The following COL13A1 variants were observed in gnomAD, a reference collection of about 807,000 sequenced individuals.
COL13A1 encodes the protein collagen alpha-1(XIII) chain.
COL13A1 carries 89 observed loss-of-function variants against 130.9 expected under a neutral mutation model. That is an observed-to-expected ratio of 0.68 (90% confidence interval 0.57 to 0.81). The LOEUF is 0.81. Among genes scored for constraint, COL13A1 ranks in the 30% least tolerant of loss-of-function variants. COL13A1 has a pLI of 0.00. For synonymous variants in COL13A1, 402 were observed against 341.6 expected (o/e 1.18, Z -1.95); for missense variants, 879 against 934.6 (o/e 0.94, Z 0.78).
At chr10:69,947,169 TTTCCGTGTAGTGGGAATAACTAAACC>T in intron 37 of COL13A1, 112 bp from the exon 38 acceptor site, 2 of 757,124 alleles carry the variant, frequency 2.6e-6, no homozygotes, top group South Asian at 3.2e-5. Context: ...CTCTGTCCCC[TTTCCGTGTAGTGGGAATAACTAAACC>T]TGTCTCCAGT....
intron 17 of COL13A1, among the ~76,000 whole-genome samples, chr10:69,914,407 C>A (rs2063704645): frequency 6.6e-6 from 1 of 152,166 alleles, no homozygotes; most frequent in Non-Finnish European, 1.5e-5. Flanking sequence ...TGGGAAGAGA[C>A]AGGAGCACCA....
intron 30 of COL13A1, chr10:69,931,399 G>A: frequency 2.9e-6 from 1 of 341,286 alleles, no homozygotes; most frequent in South Asian, 2.2e-5. Flanking sequence ...CTGGGAGCAG[G>A]CAGGGAGGGT....
At chr10:69,953,415 G>A (rs10823450) in intron 39 of COL13A1, among the ~76,000 whole-genome samples, 23,619 of 152,090 alleles carry the variant, frequency 0.16, 2,048 homozygotes, top group Middle Eastern at 0.26. Flanking sequence ...CAGAGTTAGC[G>A]TCTCCTCAGG....
chr10:69,880,383 G>T (rs1019510456), intron 6 of COL13A1, 120 bp from the exon 7 acceptor site: 3 of 722,226 alleles, frequency 4.2e-6, no homozygotes, highest in Admixed American at 4.0e-5. Flanking sequence ...TGTCCCATGG[G>T]GCCGGCCTCC....
chr10:69,904,408 A>G (rs1589419455), intron 15 of COL13A1, among the ~76,000 whole-genome samples: 1 of 151,858 alleles, frequency 6.6e-6, no homozygotes, highest in Admixed American at 6.6e-5. Context: ...CCACACCTAC[A>G]CCCAAGGCTG....
In COL13A1 at chr10:69,958,819, G is replaced by A. The variant is rs1290641837; in HGVS notation, c.*118G>A. ...ATGCATCTTACAGATTATTAAAAAA[G>A]AAAGAAAAACCTGCATATTTTGTAC... On this transcript the variant is annotated 3_prime_UTR_variant, in exon 41 of 41. Transcript: ENST00000645393. 7.1e-7 allele frequency: 1 copy of A among 1,409,934 alleles called. No individual in the cohort carries two copies. 87.3% of individuals were successfully genotyped at this position (1,409,934 alleles called of 1,614,324 possible). A position where few individuals can be genotyped will look rare whatever the true frequency, so the allele number is the denominator to read the frequency against.
chr10:69,902,330 C>T (rs1229813757), intron 14 of COL13A1, among the ~76,000 whole-genome samples: 1 of 152,196 alleles, frequency 6.6e-6, no homozygotes, highest in Admixed American at 6.5e-5. Flanking sequence ...GGCTGAGAGA[C>T]TGGGGCTTAG....
At chr10:69,905,884 A>G (rs1302509167) in intron 17 of COL13A1, 62 bp downstream of exon 17, 2 of 1,573,328 alleles carry the variant, frequency 1.3e-6, no homozygotes, top group African/African-American at 1.3e-5. Flanking sequence ...GGCCTACTGG[A>G]CCTCAGACCC....
At chr10:69,931,311 T>A (rs1333601612) in intron 30 of COL13A1, 2 of 436,564 alleles carry the variant, frequency 4.6e-6, no homozygotes, top group Admixed American at 2.4e-5. Context: ...CAGATGAGGG[T>A]CCTCCTGGGG....
At chr10:69,935,089 T>C (rs76557000) in intron 31 of COL13A1, among the ~76,000 whole-genome samples, 2,884 of 152,194 alleles carry the variant, frequency 0.019, 68 homozygotes, top group South Asian at 0.091. Context: ...TTTTTTTTTT[T>C]CCAAGAAAAA....
At chr10:69,950,717 G>A (rs10999050) in intron 38 of COL13A1, among the ~76,000 whole-genome samples, 13,669 of 152,282 alleles carry the variant, frequency 0.09, 804 homozygotes, top group Middle Eastern at 0.22. Flanking sequence ...AACGCATGTC[G>A]TTTTCTAAGT....
chr10:69,948,098 C>A (rs1327524347), intron 38 of COL13A1, among the ~76,000 whole-genome samples: 1 of 152,172 alleles, frequency 6.6e-6, no homozygotes, highest in African/African-American at 2.4e-5. Flanking sequence ...GGGGGCACAC[C>A]CCCTAGAAAC....
chr10:69,889,738 A>C (rs1359082835), intron 10 of COL13A1, among the ~76,000 whole-genome samples: 1 of 152,182 alleles, frequency 6.6e-6, no homozygotes, highest in Non-Finnish European at 1.5e-5. Flanking sequence ...CCACACTCGC[A>C]TGGGCCTTGG....
chr10:69,807,983 G>A (rs944100297), intron 1 of COL13A1, among the ~76,000 whole-genome samples: 8 of 152,212 alleles, frequency 5.3e-5, no homozygotes, highest in African/African-American at 1.9e-4. Context: ...CAGTGTTCAG[G>A]AAGCTGCTAC....
intron 36 of COL13A1, among the ~76,000 whole-genome samples, chr10:69,945,276 G>A (rs184181822): frequency 1.5e-4 from 23 of 152,218 alleles, no homozygotes; most frequent in African/African-American, 5.5e-4. Context: ...CACCAGCTTG[G>A]GGAAACCAGG....
intron 2 of COL13A1, among the ~76,000 whole-genome samples, chr10:69,858,040 C>T (rs1303440577): frequency 2.8e-5 from 4 of 140,794 alleles, no homozygotes; most frequent in Non-Finnish European, 4.5e-5. Flanking sequence ...TGCTTGAACC[C>T]GGGAGGCAGA....
Position 69,818,175 on chromosome 10 carries a change from G to A in COL13A1, c.295-4194G>A, listed in dbSNP as rs888836809. ...CTCTTGCCGCTGTTATGTCCTAGGG[G>A]TGGCATCTTGGCTGCCCAAGGCAGG... On this transcript the variant is annotated intron_variant, in intron 1 of 40. Transcript: ENST00000645393. 2.6e-5 allele frequency among the ~76,000 whole-genome samples: 4 copies of A among 152,280 alleles called. No homozygotes were observed. In the South Asian group the frequency reaches 6.2e-4, roughly 24 times the overall value.
In COL13A1 at chr10:69,922,886, C is replaced by T. The variant is rs767642432; in HGVS notation, c.1230+92C>T. 4.1e-4 allele frequency: 334 copies of T among 823,112 alleles called. 1 individual carries two copies. Among genetic ancestry groups the T allele is most frequent in the African/African-American group, 6.2e-4 (35 of 56,366 alleles). 51.0% of individuals were successfully genotyped at this position (823,112 alleles called of 1,614,324 possible). On this transcript the variant is annotated intron_variant, in intron 23 of 40. Transcript: ENST00000645393. ...CGGGGACTCTACGTCCCGGACATCC[C>T]GCCTTCTCTAGCCTTCCCCTGCTCC...
chr10:69,915,473 T>C (rs2063818660), intron 17 of COL13A1, among the ~76,000 whole-genome samples: 1 of 152,232 alleles, frequency 6.6e-6, no homozygotes, highest in Non-Finnish European at 1.5e-5. Context: ...TTTAGAGACT[T>C]GGCCCAAAGA....
Sources: gnomAD v4.1 joint callset for allele counts (sites outside exome capture counted in the v4.1 genomes callset) on GRCh38, gnomAD v4.1.1 for gene constraint, MANE v1.5 for transcripts, NCBI Gene and HGNC (gene_info 2026-07-23, HGNC 2026-07-21) for gene names.